Variants in GABRB3 observed in about 807,000 individuals in gnomAD.
GABRB3 encodes gamma-aminobutyric acid type A receptor subunit beta3, also known as gamma-aminobutyric acid receptor subunit beta-3.
A neutral mutation model predicts 52.1 loss-of-function variants in GABRB3; 14 were observed. The observed-to-expected ratio is 0.27, with a 90% CI of 0.18 to 0.42. The LOEUF is 0.42. GABRB3 is among the 10% of genes least tolerant of loss of function. The pLI, the probability that GABRB3 is intolerant of heterozygous loss-of-function variation, is 1.00. For missense variants in GABRB3, 307 were observed against 609.1 expected, an observed-to-expected ratio of 0.50 and a Z score of 5.22; for synonymous variants, 260 against 232.3, an observed-to-expected ratio of 1.12 and a Z score of -1.08.
intron 8 of GABRB3, 54 bp from the exon 9 acceptor site, chr15:26,548,188 T>C (rs1595429139): frequency 1.1e-5 from 16 of 1,391,578 alleles, no homozygotes; most frequent in South Asian, 6.9e-5. Context: ...AATTTCCCTA[T>C]GCAGATCCCG....
Position 26,693,756 on chromosome 15 carries a change from G to A in GABRB3, c.241-72222C>T, listed in dbSNP as rs144268117. ...ACTAAGAGGGGAAACTGCCGCTGTA[G>A]CCAGCAACTGTTGGGAAAACATACT... On this transcript the variant is annotated intron_variant, in intron 3 of 8. Coordinates refer to ENST00000311550, the MANE Select transcript of GABRB3 (RefSeq NM_000814.6). 5.9e-5 allele frequency among the ~76,000 whole-genome samples: 9 copies of A among 152,078 alleles called. No homozygotes were observed. In the East Asian group the frequency reaches 1.5e-3, roughly 26 times the overall value.
intron 3 of GABRB3, among the ~76,000 whole-genome samples, chr15:26,759,023 C>T (rs1307428694): frequency 6.6e-6 from 1 of 152,114 alleles, no homozygotes; most frequent in East Asian, 1.9e-4. Context: ...ACATTTGGAT[C>T]TATATAATCC....
chr15:26,709,959 A>G (rs754294674), intron 3 of GABRB3, among the ~76,000 whole-genome samples: 3 of 152,262 alleles, frequency 2.0e-5, no homozygotes, highest in Middle Eastern at 3.4e-3. Context: ...GTCATTCTCT[A>G]CTTTCACCCC....
intron 4 of GABRB3, among the ~76,000 whole-genome samples, chr15:26,610,320 C>T (rs1892021713): frequency 6.6e-6 from 1 of 152,096 alleles, no homozygotes; most frequent in Admixed American, 6.6e-5. Flanking sequence ...CCGGAGAAAG[C>T]CTTCTTCCTT....
chr15:26,717,095 ATGACAG>A (rs1889504644), intron 3 of GABRB3, among the ~76,000 whole-genome samples: 2 of 107,324 alleles, frequency 1.9e-5, no homozygotes, highest in Middle Eastern at 5.4e-3. Flanking sequence ...CATCCACCCA[ATGACAG>A]CCCAGTTCTG....
intron 4 of GABRB3, among the ~76,000 whole-genome samples, chr15:26,600,065 C>T (rs1891533051): frequency 6.6e-6 from 1 of 151,840 alleles, no homozygotes; most frequent in African/African-American, 2.4e-5. Context: ...AGATACAAAT[C>T]TGTAAGATAA....
intron 3 of GABRB3, among the ~76,000 whole-genome samples, chr15:26,746,584 T>G (rs1218883991): frequency 3.6e-3 from 309 of 85,882 alleles, no homozygotes; most frequent in Admixed American, 5.2e-3. Context: ...CGTTTTTTGT[T>G]TTTTTTTTTT....
intron 3 of GABRB3, among the ~76,000 whole-genome samples, chr15:26,685,999 T>C (rs1888393409): frequency 6.6e-6 from 1 of 152,086 alleles, no homozygotes; most frequent in Non-Finnish European, 1.5e-5. Flanking sequence ...TTTTGTAGAG[T>C]GGGATCTCGC....
intron 3 of GABRB3, among the ~76,000 whole-genome samples, chr15:26,760,442 G>A (rs1273655646): frequency 6.6e-6 from 1 of 152,140 alleles, no homozygotes; most frequent in Non-Finnish European, 1.5e-5. Context: ...TTCTACTGCA[G>A]AGGGTGAGCT....
At chr15:26,746,264 T>C (rs1433493643) in intron 3 of GABRB3, among the ~76,000 whole-genome samples, 2 of 152,192 alleles carry the variant, frequency 1.3e-5, no homozygotes, top group Non-Finnish European at 2.9e-5. Flanking sequence ...ATATACTCTT[T>C]CCTGAAATGT....
chr15:26,566,857 G>A (rs562618105), intron 7 of GABRB3, among the ~76,000 whole-genome samples: 6 of 152,194 alleles, frequency 3.9e-5, no homozygotes, highest in East Asian at 1.9e-4. Context: ...CTACTGATAC[G>A]TTCACTTTCA....
chr15:26,674,962 A>G (rs1393718209), intron 3 of GABRB3, among the ~76,000 whole-genome samples: 2 of 152,184 alleles, frequency 1.3e-5, no homozygotes, highest in African/African-American at 4.8e-5. Flanking sequence ...CCAAGTTACC[A>G]CAAGGAGTTA....
intron 6 of GABRB3, among the ~76,000 whole-genome samples, chr15:26,574,506 C>T (rs758495255): frequency 3.9e-5 from 6 of 152,112 alleles, no homozygotes; most frequent in African/African-American, 7.2e-5. Flanking sequence ...AAAGGGAAGA[C>T]AAGCCAAATG....
intron 6 of GABRB3, among the ~76,000 whole-genome samples, chr15:26,578,135 A>G (rs976164431): frequency 5.3e-5 from 8 of 152,186 alleles, no homozygotes; most frequent in Non-Finnish European, 1.0e-4. Context: ...AAGTCCTTCA[A>G]TCTTGTTTAC....
chr15:26,575,595 G>C (rs777315680), intron 6 of GABRB3, among the ~76,000 whole-genome samples: 1 of 152,102 alleles, frequency 6.6e-6, no homozygotes, highest in Non-Finnish European at 1.5e-5. Flanking sequence ...CTAAAGCCTG[G>C]AGTTCACAAA....
chr15:26,699,004 C>T (rs1196320379), intron 3 of GABRB3, among the ~76,000 whole-genome samples: 1 of 151,838 alleles, frequency 6.6e-6, no homozygotes, highest in Non-Finnish European at 1.5e-5. Flanking sequence ...GAAAAAGGAA[C>T]GTCATTCATA....
Position 26,544,643 on chromosome 15 carries a change from C to CT in GABRB3, c.*3149dup, listed in dbSNP as rs1889160848. 6 of 152,290 alleles carry CT rather than the reference C, an allele frequency of 3.9e-5. No homozygotes were observed. The allele number at this position is 152,290 out of a possible 1,614,324, so 9.4% of individuals were successfully genotyped here. A position where few individuals can be genotyped will look rare whatever the true frequency, so the allele number is the denominator to read the frequency against. On this transcript the variant is annotated 3_prime_UTR_variant, in exon 9 of 9. Transcript: ENST00000311550. ...TTAAGGACTACTCAAGTCTATCAGT[C>CT]TTTCTCTGTAGGGAGTTATGTAGCA...
intron 6 of GABRB3, among the ~76,000 whole-genome samples, chr15:26,576,498 GT>G (rs1890598617): frequency 6.6e-6 from 1 of 152,102 alleles, no homozygotes; most frequent in African/African-American, 2.4e-5. Context: ...TAAAACATGG[GT>G]TTGGGTATTA....
intron 6 of GABRB3, among the ~76,000 whole-genome samples, chr15:26,571,580 G>A (rs1297971930): frequency 6.6e-6 from 1 of 152,076 alleles, no homozygotes; most frequent in Non-Finnish European, 1.5e-5. Context: ...GGAAACTGTG[G>A]GCAGTAGAAA....
Sources: gnomAD v4.1 joint callset for allele counts (sites outside exome capture counted in the v4.1 genomes callset) on GRCh38, gnomAD v4.1.1 for gene constraint, MANE v1.5 for transcripts, NCBI Gene and HGNC (gene_info 2026-07-23, HGNC 2026-07-21) for gene names.